Variants in CTNNA3 observed in about 807,000 individuals in gnomAD.
The protein encoded by CTNNA3 is catenin alpha-3.
CTNNA3 carries 76 observed loss-of-function variants against 95.7 expected under a neutral mutation model. The ratio of observed to expected loss-of-function variants is 0.79; its 90% CI spans 0.66 to 0.96. The LOEUF (loss-of-function observed/expected upper bound fraction) is 0.96. Among genes scored for constraint, CTNNA3 ranks in the 40% least tolerant of loss-of-function variants. The pLI is 0.00. For synonymous variants in CTNNA3, 431 were observed against 374.4 expected, an observed-to-expected ratio of 1.15 and a Z score of -1.74; for missense variants, 1,191 against 1,089.8, an observed-to-expected ratio of 1.09 and a Z score of -1.31.
chr10:67,143,538 T>C (rs565852509), intron 7 of CTNNA3, among the ~76,000 whole-genome samples: 7 of 152,030 alleles, frequency 4.6e-5, no homozygotes, highest in African/African-American at 1.7e-4. Flanking sequence ...ACCCTGCCAC[T>C]GTTTTTTCAA....
chr10:66,228,010 T>A (rs1211484274), intron 13 of CTNNA3, among the ~76,000 whole-genome samples: 1 of 152,140 alleles, frequency 6.6e-6, no homozygotes, highest in African/African-American at 2.4e-5. Context: ...GTGGTATCTG[T>A]TGTAATGCCT....
intron 7 of CTNNA3, among the ~76,000 whole-genome samples, chr10:66,909,019 G>T (rs1042060936): frequency 6.6e-6 from 1 of 152,090 alleles, no homozygotes; most frequent in African/African-American, 2.4e-5. Context: ...TTCTTGACAC[G>T]GTATTGTTGG....
intron 10 of CTNNA3, among the ~76,000 whole-genome samples, chr10:66,569,178 C>T (rs7919076): frequency 0.28 from 43,223 of 151,920 alleles, 6,618 homozygotes; most frequent in Middle Eastern, 0.44. Context: ...CATCGATGTT[C>T]TCCTAGGACC....
rs376365026 is a variant in CTNNA3, at chr10:66,648,146, C to T, written c.1282-26362G>A. 4.6e-5 allele frequency among the ~76,000 whole-genome samples: 7 copies of T among 152,242 alleles called. No individual in the cohort carries two copies. The East Asian group carries it at 9.7e-4, about 21-fold the overall frequency. Reference sequence around the variant, plus strand: ...CTCCATTGGCCTAACAGCTCTCAACCAGAGGTTTTAAACCCTGACAGCTCA... The same window carrying T: ...CTCCATTGGCCTAACAGCTCTCAACTAGAGGTTTTAAACCCTGACAGCTCA... On this transcript the variant is annotated intron_variant, in intron 9 of 17. Coordinates refer to ENST00000433211, the MANE Select transcript of CTNNA3 (RefSeq NM_013266.4).
intron 4 of CTNNA3, among the ~76,000 whole-genome samples, chr10:67,533,999 G>T (rs2133190160): frequency 6.6e-6 from 1 of 151,774 alleles, no homozygotes; most frequent in East Asian, 1.9e-4. Context: ...ATTCTTTAAT[G>T]CTATGAAATA....
At chr10:67,156,476 T>C (rs1365501935) in intron 7 of CTNNA3, among the ~76,000 whole-genome samples, 1 of 152,118 alleles carries the variant, frequency 6.6e-6, no homozygotes, top group Non-Finnish European at 1.5e-5. Context: ...GTGTGCTTTG[T>C]TTTCAATTTC....
rs563745824 is a variant in CTNNA3 at position 67,435,326 on chromosome 10, C to T, written c.579+86516G>A. ...TTTACTCTTAAAGACTGAATTTGAA[C>T]ATACCTTAATGTAATAAAAGCCATC... On this transcript the variant is annotated intron_variant, in intron 5 of 17. Coordinates refer to ENST00000433211, the MANE Select transcript of CTNNA3 (RefSeq NM_013266.4). Among the ~76,000 whole-genome samples, 143 of 152,020 alleles carry T rather than the reference C, an allele frequency of 9.4e-4. 1 individual carries two copies. The highest frequency in any genetic ancestry group is 4.9e-4 in the Non-Finnish European group (33 of 67,886).
chr10:66,624,563 A>T (rs1031368482), intron 9 of CTNNA3, among the ~76,000 whole-genome samples: 1 of 152,040 alleles, frequency 6.6e-6, no homozygotes, highest in African/African-American at 2.4e-5. Context: ...TCTAGATTGA[A>T]CTCAGTAGTA....
chr10:66,012,373 T>C (rs758069099), intron 15 of CTNNA3, among the ~76,000 whole-genome samples: 3 of 152,158 alleles, frequency 2.0e-5, no homozygotes, highest in African/African-American at 7.2e-5. Flanking sequence ...GAAGAAGTTA[T>C]GTACTAACAG....
intron 7 of CTNNA3, among the ~76,000 whole-genome samples, chr10:66,854,207 T>A (rs1013959006): frequency 7.2e-5 from 11 of 152,062 alleles, no homozygotes; most frequent in African/African-American, 2.7e-4. Context: ...ATTGAGATAT[T>A]TCCAAAAATA....
At chr10:66,030,003 T>A (rs1423413428) in intron 15 of CTNNA3, among the ~76,000 whole-genome samples, 3 of 152,008 alleles carry the variant, frequency 2.0e-5, no homozygotes, top group African/African-American at 7.2e-5. Context: ...AATGACATAA[T>A]TACAGCTATA....
intron 12 of CTNNA3, among the ~76,000 whole-genome samples, chr10:66,376,173 C>T (rs978066699): frequency 3.9e-5 from 6 of 152,096 alleles, no homozygotes; most frequent in African/African-American, 9.7e-5. Flanking sequence ...TTTTCCCCAA[C>T]GTAGTACAAA....
intron 10 of CTNNA3, among the ~76,000 whole-genome samples, chr10:66,527,490 T>A (rs990234436): frequency 7.2e-5 from 11 of 152,168 alleles, no homozygotes; most frequent in Admixed American, 7.2e-4. Flanking sequence ...ACTGGTACAT[T>A]GCTTTGGTTA....
At chr10:67,330,460 A>C (rs1330407384) in intron 5 of CTNNA3, among the ~76,000 whole-genome samples, 1 of 152,204 alleles carries the variant, frequency 6.6e-6, no homozygotes, top group Non-Finnish European at 1.5e-5. Context: ...ATATAAAGCG[A>C]TTGGCACAGT....
At chr10:66,956,530 G>A (rs1848800985) in intron 7 of CTNNA3, among the ~76,000 whole-genome samples, 1 of 152,106 alleles carries the variant, frequency 6.6e-6, no homozygotes, top group Admixed American at 6.6e-5. Flanking sequence ...TTAGCAAGGA[G>A]GAGGCAAGCT....
At chr10:67,577,466 T>A (rs1047390307) in intron 3 of CTNNA3, among the ~76,000 whole-genome samples, 2 of 151,906 alleles carry the variant, frequency 1.3e-5, no homozygotes, top group Non-Finnish European at 2.9e-5. Flanking sequence ...TTTTCTCCCA[T>A]TTTGTAGGTT....
At chr10:67,649,004 C>CT (rs1456882078) in intron 1 of CTNNA3, among the ~76,000 whole-genome samples, 1 of 152,170 alleles carries the variant, frequency 6.6e-6, no homozygotes, top group Non-Finnish European at 1.5e-5. Context: ...TAGCCTATTC[C>CT]TGTGGTGACC....
chr10:67,261,816 A>G (rs1425762573), intron 5 of CTNNA3, among the ~76,000 whole-genome samples: 1 of 152,216 alleles, frequency 6.6e-6, no homozygotes, highest in Non-Finnish European at 1.5e-5. Flanking sequence ...AAGAGAAATC[A>G]GAGAAAAATG....
chr10:66,223,783 G>T (rs1251039245), intron 13 of CTNNA3, among the ~76,000 whole-genome samples: 1 of 152,184 alleles, frequency 6.6e-6, no homozygotes, highest in Non-Finnish European at 1.5e-5. Flanking sequence ...CTTTCTGGTT[G>T]TGTCTTTCAG....
Sources: gnomAD v4.1 joint callset for allele counts (sites outside exome capture counted in the v4.1 genomes callset) on GRCh38, gnomAD v4.1.1 for gene constraint, MANE v1.5 for transcripts, NCBI Gene and HGNC (gene_info 2026-07-23, HGNC 2026-07-21) for gene names.